Variants in DSCAML1 observed in about 807,000 individuals in gnomAD.
The protein encoded by DSCAML1 is cell adhesion molecule DSCAML1.
In DSCAML1, 38 loss-of-function variants were observed where a neutral mutation model predicts 200.5. The observed-to-expected ratio is 0.19, with a 90% CI of 0.15 to 0.25. The LOEUF is 0.25. Ranked by LOEUF, DSCAML1 falls within the 10% of genes least tolerant of loss-of-function variation. The pLI, the probability that DSCAML1 is intolerant of heterozygous loss-of-function variation, is 1.00. For missense variants in DSCAML1, 2,223 were observed against 2,858.8 expected (o/e 0.78, Z 5.07); for synonymous variants, 1,215 against 1,165.0 (o/e 1.04, Z -0.87).
At chr11:117,706,958 C>T (rs879026772) in intron 3 of DSCAML1, among the ~76,000 whole-genome samples, 3 of 152,216 alleles carry the variant, frequency 2.0e-5, no homozygotes, top group Admixed American at 2.0e-4. Flanking sequence ...ATGTGGCCAG[C>T]GTTCTAGCTC....
rs375585813 is a variant in DSCAML1 at position 117,579,521 on chromosome 11, T to A, written c.512-46999A>T. Among the ~76,000 whole-genome samples, 6 of 152,234 alleles carry A rather than the reference T, an allele frequency of 3.9e-5. No homozygotes were observed. In the East Asian group the frequency reaches 1.2e-3, roughly 29 times the overall value. On this transcript the variant is annotated intron_variant, in intron 3 of 32. Coordinates refer to ENST00000651296, the MANE Select transcript of DSCAML1 (RefSeq NM_020693.4). ...TCCTTCCTGCCACTTATGTCTCAGC[T>A]AAATGTCCCCTCTGCAGACAGGCCT...
In DSCAML1 at chr11:117,655,085, C is replaced by A. The variant is rs59380350; in HGVS notation, c.511+121706G>T. ...TGCACAGCCCAAAGCTGAGCCATGG[C>A]GTGAGCCTTGCAGCCGCCCCTGGGC... On this transcript the variant is annotated intron_variant, in intron 3 of 32. Transcript: ENST00000651296. Among the ~76,000 whole-genome samples, 457 of 152,352 alleles carry A rather than the reference C, an allele frequency of 3.0e-3. 2 individuals carry two copies. Among genetic ancestry groups the A allele is most frequent in the African/African-American group, 0.01 (416 of 41,576 alleles).
chr11:117,799,550 C>T (rs568547714), upstream of DSCAML1, among the ~76,000 whole-genome samples: 13 of 152,282 alleles, frequency 8.5e-5, no homozygotes, highest in Admixed American at 2.6e-4. Context: ...CTGGCTGTCC[C>T]GGGAGGAGAC....
chr11:117,743,066 A>G (rs7950743), intron 3 of DSCAML1, among the ~76,000 whole-genome samples: 142,584 of 152,254 alleles, frequency 0.94, 67,191 homozygotes, highest in East Asian at 1. Flanking sequence ...CAGCAGGTAC[A>G]GAGAATCTGC....
chr11:117,660,720 C>G (rs1423750184), intron 3 of DSCAML1, among the ~76,000 whole-genome samples: 1 of 152,220 alleles, frequency 6.6e-6, no homozygotes, highest in Non-Finnish European at 1.5e-5. Flanking sequence ...TTAGCATTAA[C>G]AGGTGCCCTG....
At chr11:117,462,682 G>A (rs985461530) in intron 17 of DSCAML1, among the ~76,000 whole-genome samples, 1 of 152,218 alleles carries the variant, frequency 6.6e-6, no homozygotes, top group African/African-American at 2.4e-5. Flanking sequence ...GGGACCCAGT[G>A]TAATAAACTA....
chr11:117,712,126 T>A (rs2053860047), intron 3 of DSCAML1, among the ~76,000 whole-genome samples: 1 of 152,198 alleles, frequency 6.6e-6, no homozygotes, highest in Admixed American at 6.5e-5. Context: ...TTATTTTTTT[T>A]AAACACGTTG....
At chr11:117,548,525 C>G (rs373820943) in intron 3 of DSCAML1, among the ~76,000 whole-genome samples, 1 of 152,238 alleles carries the variant, frequency 6.6e-6, no homozygotes, top group East Asian at 1.9e-4. Context: ...CGGCTCCCAC[C>G]GTTGGGCCAC....
At chr11:117,708,208 G>A (rs1565886615) in intron 3 of DSCAML1, among the ~76,000 whole-genome samples, 1 of 152,136 alleles carries the variant, frequency 6.6e-6, no homozygotes, top group Non-Finnish European at 1.5e-5. Flanking sequence ...CTTTAAACCT[G>A]TCTAGTTGAA....
chr11:117,604,830 C>T (rs1383124941), intron 3 of DSCAML1, among the ~76,000 whole-genome samples: 3 of 152,298 alleles, frequency 2.0e-5, no homozygotes, highest in African/African-American at 2.4e-5. Context: ...TCTGTCTGCC[C>T]GTGGCTCCTT....
At chr11:117,779,047 A>G (rs1168364057) in intron 2 of DSCAML1, among the ~76,000 whole-genome samples, 1 of 152,162 alleles carries the variant, frequency 6.6e-6, no homozygotes, top group African/African-American at 2.4e-5. Flanking sequence ...TGAGAGGTGT[A>G]CCTAAGGGAA....
chr11:117,729,218 T>C (rs1174935119), intron 3 of DSCAML1, among the ~76,000 whole-genome samples: 1 of 152,208 alleles, frequency 6.6e-6, no homozygotes, highest in Non-Finnish European at 1.5e-5. Context: ...GATATCCACA[T>C]GCAAAAGAAC....
intron 3 of DSCAML1, among the ~76,000 whole-genome samples, chr11:117,729,635 G>A (rs1017901130): frequency 6.6e-5 from 10 of 152,134 alleles, no homozygotes; most frequent in African/African-American, 2.4e-4. Flanking sequence ...GAAAATATAT[G>A]AATGGCCAAT....
intron 3 of DSCAML1, among the ~76,000 whole-genome samples, chr11:117,733,953 G>C (rs1190427098): frequency 7.8e-6 from 1 of 128,394 alleles, no homozygotes; most frequent in East Asian, 2.3e-4. Context: ...CATGAAAGCA[G>C]GCATATTGTC....
chr11:117,722,724 G>A (rs2054061187), intron 3 of DSCAML1, among the ~76,000 whole-genome samples: 1 of 152,146 alleles, frequency 6.6e-6, no homozygotes, highest in Non-Finnish European at 1.5e-5. Context: ...CTGGAGTTCA[G>A]GCTGTGGACT....
At chr11:117,508,640 C>T (rs770001801) in intron 8 of DSCAML1, among the ~76,000 whole-genome samples, 4 of 151,996 alleles carry the variant, frequency 2.6e-5, no homozygotes, top group East Asian at 1.9e-4. Flanking sequence ...GTCACAGCAC[C>T]GAACAAGCTG....
intron 18 of DSCAML1, among the ~76,000 whole-genome samples, chr11:117,459,403 C>T (rs1475576081): frequency 6.6e-6 from 1 of 152,226 alleles, no homozygotes; most frequent in Non-Finnish European, 1.5e-5. Context: ...GTGTGACAGG[C>T]TGAGGCTGCC....
rs2047900550 is a variant in DSCAML1 at position 117,435,666 on chromosome 11, C to T, written c.4854G>A (p.Glu1618=). 2 of 1,600,438 alleles carry T rather than the reference C, an allele frequency of 1.2e-6. No individual in the cohort carries two copies. Among genetic ancestry groups the T allele is most frequent in the Admixed American group, 3.3e-5 (2 of 59,722 alleles). Residue 1618 remains glutamate (E), a synonymous_variant, in exon 27 of 33, where the codon GAG becomes GAA. Transcript: ENST00000651296. ...LLFIVRKKRK[E]KRLKRLRDAK... The stretch of plus-strand genomic sequence containing the variant: ...CACCTCGGAGTCGCTTCAGCCGTTT[C>T]TCCTTCCTCTTCTTGCGTACGATGA...
At chr11:117,673,508 G>GC (rs1457501007) in intron 3 of DSCAML1, among the ~76,000 whole-genome samples, 3 of 152,072 alleles carry the variant, frequency 2.0e-5, no homozygotes, top group Non-Finnish European at 4.4e-5. Flanking sequence ...CAAGAGTCTG[G>GC]CCCCATCCCC....
Sources: gnomAD v4.1 joint callset for allele counts (sites outside exome capture counted in the v4.1 genomes callset) on GRCh38, gnomAD v4.1.1 for gene constraint, MANE v1.5 for transcripts, NCBI Gene and HGNC (gene_info 2026-07-23, HGNC 2026-07-21) for gene names.